The following CCM2 variants were observed in gnomAD, a reference collection of about 807,000 sequenced individuals.
CCM2 encodes cerebral cavernous malformations 2 protein.
Under a neutral mutation model 44.9 loss-of-function variants are expected in CCM2, and 25 were observed. The ratio of observed to expected loss-of-function variants is 0.56; its 90% CI spans 0.41 to 0.78. CCM2 has a LOEUF of 0.78. CCM2 is among the 30% of genes least tolerant of loss of function. CCM2 has a pLI of 0.00. For missense variants in CCM2, 481 were observed against 580.6 expected (o/e 0.83, Z 1.76); for synonymous variants, 219 against 241.1 (o/e 0.91, Z 0.85).
chr7:45,072,244 G>T, intron 6 of CCM2: 1 of 329,870 alleles, frequency 3.0e-6, no homozygotes, highest in Non-Finnish European at 5.9e-6. Flanking sequence ...GAATCCTGTG[G>T]CTTCACTGGG....
intron 7 of CCM2, chr7:45,073,140 C>G: frequency 1.7e-6 from 1 of 573,840 alleles, no homozygotes; most frequent in East Asian, 3.0e-5. Flanking sequence ...AGTTCACCCA[C>G]TCGCGCTCTC....
In CCM2 at chr7:45,009,318, A is replaced by AAAAAAAAG. The variant is rs1554356438; in HGVS notation, c.30+8959_30+8960insAAAGAAAA. Among the ~76,000 whole-genome samples the AAAAAAAAG allele has an allele frequency of 1.9e-4, 21 of 108,576 alleles. 1 individual carries two copies. The highest frequency in any genetic ancestry group is 7.4e-4 in the African/African-American group (19 of 25,670). The allele number at this position is 108,576 out of a possible 152,430, so 71.2% of individuals were successfully genotyped here. On this transcript the variant is annotated intron_variant, in intron 1 of 9. Transcript: ENST00000258781. ...TCTGTCTCAAAAAAAAAAAAAAAAAAAAAATTTTTGAGTACACCAAAGTTG... is the reference window on the plus strand; with the variant it reads ...TCTGTCTCAAAAAAAAAAAAAAAAAAAAAAAAAGAAAATTTTTGAGTACACCAAAGTTG...
intron 1 of CCM2, among the ~76,000 whole-genome samples, chr7:45,017,125 A>T (rs548609176): frequency 3.9e-5 from 6 of 152,250 alleles, no homozygotes; most frequent in Non-Finnish European, 5.9e-5. Context: ...CAGGTTTGTT[A>T]TATAGGTAAA....
intron 2 of CCM2, among the ~76,000 whole-genome samples, chr7:45,060,656 T>A (rs1218874497): frequency 1.3e-5 from 2 of 152,240 alleles, no homozygotes; most frequent in African/African-American, 4.8e-5. Context: ...GCTTTTCATG[T>A]TTGGAAGTTT....
intron 2 of CCM2, among the ~76,000 whole-genome samples, chr7:45,062,046 A>G (rs10279523): frequency 0.13 from 20,210 of 152,186 alleles, 1,657 homozygotes; most frequent in Middle Eastern, 0.23. Context: ...GATTCTTAGC[A>G]TTGCATATCT....
At chr7:45,008,489 A>G (rs13224038) in intron 1 of CCM2, among the ~76,000 whole-genome samples, 72,570 of 151,214 alleles carry the variant, frequency 0.48, 18,659 homozygotes, top group East Asian at 0.7. Flanking sequence ...AGCCTTCCCA[A>G]GTAGCTGGGA....
intron 1 of CCM2, among the ~76,000 whole-genome samples, chr7:45,025,019 C>G (rs1796627023): frequency 6.6e-6 from 1 of 152,112 alleles, no homozygotes. Flanking sequence ...CTTCTGTGGC[C>G]TTTAATTTTT....
At chr7:45,054,577 G>T (rs184403820) in intron 2 of CCM2, among the ~76,000 whole-genome samples, 20 of 152,264 alleles carry the variant, frequency 1.3e-4, no homozygotes, top group Admixed American at 5.9e-4. Context: ...CCTAGACAAG[G>T]TGCTTGAGGA....
chr7:45,014,163 G>A (rs765446709), intron 1 of CCM2, among the ~76,000 whole-genome samples: 4 of 151,686 alleles, frequency 2.6e-5, no homozygotes, highest in Non-Finnish European at 5.9e-5. Flanking sequence ...TTTTTGAGAT[G>A]GTGTCTTACT....
chr7:45,050,643 C>T (rs1369864478), intron 2 of CCM2, among the ~76,000 whole-genome samples: 1 of 152,210 alleles, frequency 6.6e-6, no homozygotes, highest in Non-Finnish European at 1.5e-5. Flanking sequence ...GGTCAAAAGT[C>T]AGGTCTCTTT....
chr7:45,019,648 T>A (rs4724349), intron 1 of CCM2, among the ~76,000 whole-genome samples: 131,419 of 151,724 alleles, frequency 0.87, 57,226 homozygotes, highest in African/African-American at 0.96. Flanking sequence ...AATGGTGTGA[T>A]CATAGTTTAC....
chr7:45,056,006 G>A (rs746023464), intron 2 of CCM2, among the ~76,000 whole-genome samples: 90 of 152,186 alleles, frequency 5.9e-4, no homozygotes, highest in Admixed American at 1.3e-3. Context: ...CGTAGCATGT[G>A]TCAGCATTTC....
In CCM2 at chr7:45,051,855, C is replaced by A. The variant is rs186114735; in HGVS notation, c.205-12063C>A. Among the ~76,000 whole-genome samples, 9 of 150,318 alleles carry A rather than the reference C, an allele frequency of 6.0e-5. No homozygotes were observed. In the East Asian group the frequency reaches 1.8e-3, roughly 29 times the overall value. ...GGATTATAGGCATGAGCCACTGCGC[C>A]CGGCCACGCCTGGCTAATTTTTTGT... On this transcript the variant is annotated intron_variant, in intron 2 of 9. Coordinates refer to ENST00000258781, the MANE Select transcript of CCM2 (RefSeq NM_031443.4).
At chr7:45,001,212 T>C (rs948385251) in intron 1 of CCM2, among the ~76,000 whole-genome samples, 2 of 152,156 alleles carry the variant, frequency 1.3e-5, no homozygotes, top group Non-Finnish European at 1.5e-5. Context: ...ACCACCTTGT[T>C]TGACAGAGTG....
chr7:45,021,333 C>T (rs991725608), intron 1 of CCM2, among the ~76,000 whole-genome samples: 13 of 152,096 alleles, frequency 8.5e-5, no homozygotes, highest in African/African-American at 2.4e-4. Flanking sequence ...GAGGCCGAGG[C>T]GGGCGGATCA....
chr7:45,029,616 C>T (rs1174964529), intron 1 of CCM2: 1 of 152,226 alleles, frequency 6.6e-6, no homozygotes, highest in African/African-American at 2.4e-5. Context: ...AATTAATAAA[C>T]AGGTGCCCTG....
chr7:45,070,423 T>C (rs1421235612), intron 6 of CCM2: 1 of 456,368 alleles, frequency 2.2e-6, no homozygotes, highest in Non-Finnish European at 4.4e-6. Flanking sequence ...CTGCTCAGGC[T>C]GCCCTGGGAG....
At chr7:45,022,787 C>CTGGA (rs1246224529) in intron 1 of CCM2, among the ~76,000 whole-genome samples, 1 of 150,438 alleles carries the variant, frequency 6.6e-6, no homozygotes, top group African/African-American at 2.4e-5. Context: ...GTTGGCCAGG[C>CTGGA]TGGAGTGCAG....
intron 1 of CCM2, among the ~76,000 whole-genome samples, chr7:45,018,000 G>T (rs1796331745): frequency 1.3e-5 from 2 of 152,268 alleles, no homozygotes; most frequent in South Asian, 4.1e-4. Context: ...TGACACCAGG[G>T]ACCGGTTTCG....
Sources: allele counts gnomAD v4.1 joint callset (sites outside exome capture counted in the v4.1 genomes callset), GRCh38; gene constraint gnomAD v4.1.1; transcripts MANE v1.5; gene names NCBI Gene and HGNC (gene_info 2026-07-23, HGNC 2026-07-21).